Variants in PCSK6 observed in about 807,000 individuals in gnomAD.
The protein encoded by PCSK6 is proprotein convertase subtilisin/kexin type 6.
PCSK6 carries 85 observed loss-of-function variants against 123.3 expected under a neutral mutation model. The ratio of observed to expected loss-of-function variants is 0.69; its 90% confidence interval spans 0.58 to 0.83. The LOEUF (loss-of-function observed/expected upper bound fraction) is 0.83. PCSK6 is among the 40% of genes least tolerant of loss of function. The pLI is 0.00. For synonymous variants in PCSK6, 508 were observed against 516.0 expected, an observed-to-expected ratio of 0.98 and a Z score of 0.21; for missense variants, 1,191 against 1,282.3, an observed-to-expected ratio of 0.93 and a Z score of 1.09.
chr15:101,431,510 A>G (rs1313916675), intron 3 of PCSK6, 47 bp from the exon 4 acceptor site: 1 of 1,610,952 alleles, frequency 6.2e-7, no homozygotes, highest in Non-Finnish European at 8.5e-7. Context: ...GACATTCCAG[A>G]TGCAGAACTG....
chr15:101,351,179 G>A (rs896806953), intron 13 of PCSK6, among the ~76,000 whole-genome samples: 3 of 152,130 alleles, frequency 2.0e-5, no homozygotes, highest in South Asian at 4.1e-4. Context: ...TGGCCATGGC[G>A]GGATATTCCC....
chr15:101,474,764 G>C (rs1309546842), intron 1 of PCSK6, among the ~76,000 whole-genome samples: 1 of 152,104 alleles, frequency 6.6e-6, no homozygotes, highest in Non-Finnish European at 1.5e-5. Context: ...ACCCTACTCA[G>C]CTCCAGCTCC....
intron 10 of PCSK6, among the ~76,000 whole-genome samples, chr15:101,382,536 T>A (rs1041323873): frequency 4.6e-5 from 7 of 152,210 alleles, no homozygotes; most frequent in African/African-American, 1.7e-4. Flanking sequence ...TTAAAAGGGC[T>A]TGTCAGCATC....
Position 101,455,451 on chromosome 15 carries a change from G to A in PCSK6, c.298-11791C>T, listed in dbSNP as rs112458594. 6.7e-3 allele frequency among the ~76,000 whole-genome samples: 1,020 copies of A among 152,320 alleles called. 10 individuals are homozygous for A. The highest frequency in any genetic ancestry group is 0.024 in the African/African-American group (984 of 41,564). ...AGGAGGTGGCAATCATCTCAGGGACGGCCAGAGTCACCTGACCGGGACTGA... is the reference window on the plus strand; with the variant it reads ...AGGAGGTGGCAATCATCTCAGGGACAGCCAGAGTCACCTGACCGGGACTGA... On this transcript the variant is annotated intron_variant, in intron 1 of 21. Coordinates refer to ENST00000611716, the MANE Select transcript of PCSK6 (RefSeq NM_002570.5).
At chr15:101,403,333 A>G (rs556163322) in intron 6 of PCSK6, among the ~76,000 whole-genome samples, 4,806 of 150,306 alleles carry the variant, frequency 0.032, 127 homozygotes, top group Non-Finnish European at 0.048. Flanking sequence ...ATGACCAGTT[A>G]ATGGGTGCAG....
At position 101,428,056 on chromosome 15, in the gene PCSK6, T is replaced by C. The variant is rs947833036; in HGVS notation, c.735-76A>G. The C allele has an allele frequency of 2.5e-6, 3 of 1,193,098 alleles. No homozygotes were observed. In the African/African-American group the frequency reaches 4.5e-5, roughly 18 times the overall value. 73.9% of individuals were successfully genotyped at this position (1,193,098 alleles called of 1,614,324 possible). A position where few individuals can be genotyped will look rare whatever the true frequency, so the allele number is the denominator to read the frequency against. On this transcript the variant is annotated intron_variant, in intron 5 of 21. Transcript: ENST00000611716. ...GAATTCAGTGCCTGGCTCAGTTCAA[T>C]GCAACAAGAGAGTCAGTTGTCCGAA...
At chr15:101,321,460 C>T (rs1290224406) in intron 18 of PCSK6, among the ~76,000 whole-genome samples, 1 of 152,216 alleles carries the variant, frequency 6.6e-6, no homozygotes, top group South Asian at 2.1e-4. Context: ...TTCATCTCCC[C>T]TGTTTGTAAA....
At chr15:101,402,535 A>C (rs959607780) in intron 6 of PCSK6, among the ~76,000 whole-genome samples, 83 of 152,364 alleles carry the variant, frequency 5.4e-4, no homozygotes, top group African/African-American at 1.9e-3. Flanking sequence ...ACAAAGGGCT[A>C]GTATCCAGAA....
At position 101,398,436 on chromosome 15, in the gene PCSK6, C is replaced by T. The variant is rs1187779226; in HGVS notation, c.964G>A (p.Ala322Thr). 1 of 1,613,132 alleles carries T rather than the reference C, an allele frequency of 6.2e-7. No individual in the cohort carries two copies. The highest frequency in any genetic ancestry group is 8.5e-7 in the Non-Finnish European group (1 of 1,179,250). ...ATGCCATACTCGAAAGCCTGCTTAG[C>T]CAGTCGGCCGGGCCCGTCCACCGTC... Reference protein sequence around the residue: ...GKTVDGPGRLAKQAFEYGIKK... With the variant: ...GKTVDGPGRLTKQAFEYGIKK... Residue 322 changes from alanine to threonine, a missense_variant, in exon 7 of 22, where the codon GCT becomes ACT. Ala to Thr is a moderately conservative substitution (Grantham distance 58). Around this residue, in one of 3 missense-constraint regions of PCSK6, gnomAD observed 357 missense variants for 484.5 expected, o/e 0.74. Transcript: ENST00000611716. This position sits in a 1 kb window ranked among gnomAD's most constrained non-coding sequence, Gnocchi z 4.6.
Position 101,399,354 on chromosome 15 carries a change from C to T in PCSK6, c.824-778G>A, listed in dbSNP as rs533505974. Among the ~76,000 whole-genome samples the T allele has an allele frequency of 1.5e-4, 23 of 152,296 alleles. No homozygotes were observed. In the East Asian group the frequency reaches 3.9e-3, roughly 26 times the overall value. On this transcript the variant is annotated intron_variant, in intron 6 of 21. Transcript: ENST00000611716. ...GCTTTCAACCTGGAAGACAGAAGCC[C>T]GCACCCCAGGTTGCAATGGAGGGGA... is the stretch of plus-strand genomic sequence containing the variant.
At chr15:101,446,545 C>G (rs1015030647) in intron 1 of PCSK6, among the ~76,000 whole-genome samples, 1 of 152,126 alleles carries the variant, frequency 6.6e-6, no homozygotes, top group Non-Finnish European at 1.5e-5. Context: ...CATAGCCACA[C>G]CCACCCTTTC....
chr15:101,349,307 T>C (rs1347458841), intron 13 of PCSK6, among the ~76,000 whole-genome samples: 1 of 152,248 alleles, frequency 6.6e-6, no homozygotes, highest in Admixed American at 6.5e-5. Context: ...AAAGTGTTGC[T>C]TAAGAAGAAG....
Position 101,338,553 on chromosome 15 carries a change from C to G in PCSK6, c.1859-6522G>C, listed in dbSNP as rs80256529. ...AGACCAGGGTCTACACTCAACAGAA[C>G]TGCCACCCAGAGGCAGTCAGATTTT... On this transcript the variant is annotated intron_variant, in intron 13 of 21. Transcript: ENST00000611716. Among the ~76,000 whole-genome samples, 1,814 of 152,352 alleles carry G rather than the reference C, an allele frequency of 0.012. 92 individuals are homozygous for G. In the East Asian group the frequency reaches 0.15, roughly 13 times the overall value.
intron 13 of PCSK6, among the ~76,000 whole-genome samples, chr15:101,363,061 C>T (rs1028932153): frequency 3.3e-5 from 5 of 152,026 alleles, no homozygotes; most frequent in African/African-American, 1.2e-4. Flanking sequence ...GCCGGCTTTG[C>T]CATAAAGGGG....
Position 101,398,883 on chromosome 15 carries a change from C to CTATTAT in PCSK6, c.824-313_824-308dup, listed in dbSNP as rs199661913. The stretch of plus-strand genomic sequence containing the variant: ...TGTTTTTTATTTTAAAAAACAAGAC[C>CTATTAT]TATTATTATTATTATTATTATTTAT... On this transcript the variant is annotated intron_variant, in intron 6 of 21. Transcript: ENST00000611716. The surrounding 1 kb of genome is among the most constrained non-coding windows in gnomAD (Gnocchi z 4.6). Among the ~76,000 whole-genome samples, 10 of 150,682 alleles carry CTATTAT rather than the reference C, an allele frequency of 6.6e-5. No homozygotes were observed. The highest frequency in any genetic ancestry group is 2.2e-4 in the African/African-American group (9 of 40,860).
intron 13 of PCSK6, among the ~76,000 whole-genome samples, chr15:101,340,824 T>C (rs537583073): frequency 2.0e-4 from 30 of 152,300 alleles, no homozygotes; most frequent in African/African-American, 6.7e-4. Context: ...TTTATTGTCT[T>C]TCCCCCACCA....
intron 1 of PCSK6, among the ~76,000 whole-genome samples, chr15:101,480,903 A>G (rs1233380487): frequency 6.8e-6 from 1 of 146,614 alleles, no homozygotes; most frequent in Non-Finnish European, 1.5e-5. Flanking sequence ...TGGTTCAATA[A>G]ATGACACTTA....
chr15:101,404,273 C>T (rs1271813482), intron 6 of PCSK6, among the ~76,000 whole-genome samples: 2 of 152,178 alleles, frequency 1.3e-5, no homozygotes, highest in Admixed American at 6.5e-5. Context: ...GTTCCTTTCC[C>T]CCTTTTATAG....
chr15:101,393,786 T>A (rs1424789227), intron 7 of PCSK6, among the ~76,000 whole-genome samples: 1 of 152,240 alleles, frequency 6.6e-6, no homozygotes, highest in Non-Finnish European at 1.5e-5. Flanking sequence ...GAGCTAGCAG[T>A]GCTGCAAATG....
Sources: allele counts gnomAD v4.1 joint callset (sites outside exome capture counted in the v4.1 genomes callset), GRCh38; gene constraint gnomAD v4.1.1; regional missense constraint gnomAD v4.1.1; non-coding constraint Gnocchi (gnomAD v3.1); transcripts MANE v1.5; gene names NCBI Gene and HGNC (gene_info 2026-07-23, HGNC 2026-07-21).